The following IMMP2L variants were observed in gnomAD, a reference collection of about 807,000 sequenced individuals.
IMMP2L encodes the protein mitochondrial inner membrane protease subunit 2.
Under a neutral mutation model 19.3 loss-of-function variants are expected in IMMP2L, and 18 were observed. The observed-to-expected ratio is 0.93, with a 90% confidence interval of 0.64 to 1.38. IMMP2L has a LOEUF of 1.38. Ranked by LOEUF, IMMP2L falls within the 40% of genes most tolerant of loss-of-function variation. IMMP2L has a pLI of 0.00. For missense variants in IMMP2L, 233 were observed against 218.2 expected (o/e 1.07, Z -0.43); for synonymous variants, 76 against 73.0 (o/e 1.04, Z -0.21).
intron 5 of IMMP2L, among the ~76,000 whole-genome samples, chr7:110,751,948 A>G (rs962666016): frequency 2.0e-5 from 3 of 151,970 alleles, no homozygotes; most frequent in Admixed American, 6.6e-5. Context: ...TCTCATCCCA[A>G]TTGGCGGGAA....
At chr7:110,935,296 C>A (rs925393839) in intron 4 of IMMP2L, among the ~76,000 whole-genome samples, 3 of 152,196 alleles carry the variant, frequency 2.0e-5, no homozygotes, top group African/African-American at 4.8e-5. Flanking sequence ...GTTGAAAATT[C>A]TTTTCTTTAA....
At chr7:111,238,572 A>G (rs764947786) in intron 3 of IMMP2L, among the ~76,000 whole-genome samples, 1 of 151,910 alleles carries the variant, frequency 6.6e-6, no homozygotes. Flanking sequence ...ATTTAATATA[A>G]TTCTGTCTCT....
chr7:110,685,354 C>T (rs1015577771), intron 5 of IMMP2L, among the ~76,000 whole-genome samples: 2 of 152,166 alleles, frequency 1.3e-5, no homozygotes, highest in African/African-American at 4.8e-5. Context: ...CTCTGCAAGA[C>T]TGCCACAAGA....
At chr7:111,526,255 C>T (rs944496307) in intron 1 of IMMP2L, among the ~76,000 whole-genome samples, 2 of 152,066 alleles carry the variant, frequency 1.3e-5, no homozygotes, top group African/African-American at 4.8e-5. Context: ...CTAAACAATA[C>T]CTTACATTTC....
chr7:111,380,868 G>A (rs1255275259), intron 3 of IMMP2L, among the ~76,000 whole-genome samples: 1 of 151,124 alleles, frequency 6.6e-6, no homozygotes, highest in African/African-American at 2.5e-5. Flanking sequence ...TTTAACCTCA[G>A]TATTCTCCAC....
At chr7:110,850,274 A>C (rs1406182059) in intron 5 of IMMP2L, among the ~76,000 whole-genome samples, 1 of 152,076 alleles carries the variant, frequency 6.6e-6, no homozygotes, top group Admixed American at 6.6e-5. Flanking sequence ...AGCTGCCTTC[A>C]TTGCTCATTG....
At chr7:111,334,070 A>G (rs1374413868) in intron 3 of IMMP2L, among the ~76,000 whole-genome samples, 1 of 152,126 alleles carries the variant, frequency 6.6e-6, no homozygotes, top group Non-Finnish European at 1.5e-5. Context: ...TTAAACAATT[A>G]TAAGCACACT....
intron 3 of IMMP2L, among the ~76,000 whole-genome samples, chr7:111,192,797 C>CA (rs1266821889): frequency 6.6e-6 from 1 of 151,950 alleles, no homozygotes; most frequent in African/African-American, 2.4e-5. Flanking sequence ...AAACAAATAG[C>CA]CACAATTTTA....
chr7:111,287,251 C>T (rs80296204), intron 3 of IMMP2L, among the ~76,000 whole-genome samples: 7,068 of 152,232 alleles, frequency 0.046, 244 homozygotes, highest in Middle Eastern at 0.086. Context: ...AGCATATATC[C>T]TGCTCACTTA....
intron 3 of IMMP2L, among the ~76,000 whole-genome samples, chr7:111,401,049 G>A (rs1041852223): frequency 6.6e-6 from 1 of 152,034 alleles, no homozygotes; most frequent in African/African-American, 2.4e-5. Flanking sequence ...CATAAATGTT[G>A]GGAGTAAGTT....
rs114565482 is a variant in IMMP2L at position 111,115,685 on chromosome 7, T to C, written c.240-152120A>G. The stretch of plus-strand genomic sequence containing the variant: ...TTTTTATATATTTATATATATTTCT[T>C]AGACAGACTCACACTCTGTCGCTCA... On this transcript the variant is annotated intron_variant, in intron 3 of 5. Coordinates refer to ENST00000405709, the MANE Select transcript of IMMP2L (RefSeq NM_032549.4). Among the ~76,000 whole-genome samples the C allele has an allele frequency of 5.0e-3, 760 of 152,076 alleles. 12 individuals are homozygous for C. Among genetic ancestry groups the C allele is most frequent in the African/African-American group, 0.018 (736 of 41,518 alleles).
At chr7:111,367,343 G>T (rs1829868656) in intron 3 of IMMP2L, among the ~76,000 whole-genome samples, 1 of 151,734 alleles carries the variant, frequency 6.6e-6, no homozygotes, top group Non-Finnish European at 1.5e-5. Context: ...ACGCTAATAG[G>T]TATTTCCGGA....
intron 3 of IMMP2L, among the ~76,000 whole-genome samples, chr7:111,414,053 C>T (rs1834722725): frequency 3.3e-5 from 5 of 151,658 alleles, no homozygotes; most frequent in South Asian, 4.2e-4. Context: ...AGCAGTTTCC[C>T]GGAAAGTTTC....
chr7:111,458,158 C>A (rs917291279), intron 3 of IMMP2L, among the ~76,000 whole-genome samples: 3 of 152,120 alleles, frequency 2.0e-5, no homozygotes, highest in Admixed American at 6.5e-5. Context: ...GCAGGTGGGT[C>A]ACTGGAGGTC....
chr7:110,787,256 C>T (rs1800146848), intron 5 of IMMP2L, among the ~76,000 whole-genome samples: 1 of 151,932 alleles, frequency 6.6e-6, no homozygotes, highest in African/African-American at 2.4e-5. Context: ...TGCTGTATTG[C>T]ACATTTTCCT....
chr7:111,548,468 T>C (rs2133059673), intron 1 of IMMP2L, among the ~76,000 whole-genome samples: 1 of 152,266 alleles, frequency 6.6e-6, no homozygotes, highest in East Asian at 1.9e-4. Context: ...TCCACCGTTC[T>C]GTCTTTAGAT....
At position 111,549,290 on chromosome 7, in the gene IMMP2L, C is replaced by T. The variant is rs75348229; in HGVS notation, c.-3+12561G>A. On this transcript the variant is annotated intron_variant, in intron 1 of 5. Coordinates refer to ENST00000405709, the MANE Select transcript of IMMP2L (RefSeq NM_032549.4). ...AGTTTAAATTCACATAGGATTCTTA[C>T]AAACAGCTTATGAAGTCCTCAAAAA... Among the ~76,000 whole-genome samples, 315 of 152,274 alleles carry T rather than the reference C, an allele frequency of 2.1e-3. 3 individuals carry two copies. The highest frequency in any genetic ancestry group is 7.2e-3 in the African/African-American group (299 of 41,568).
chr7:111,125,302 T>C (rs1801179116), intron 3 of IMMP2L: 1 of 172,358 alleles, frequency 5.8e-6, no homozygotes, highest in African/African-American at 2.4e-5. Context: ...CCAGATAAAC[T>C]TGAATTGACA....
At chr7:110,815,860 C>T (rs1045169515) in intron 5 of IMMP2L, among the ~76,000 whole-genome samples, 3 of 151,806 alleles carry the variant, frequency 2.0e-5, no homozygotes, top group African/African-American at 7.3e-5. Context: ...TCTCTCTTTT[C>T]TTCTTTATTA....
Sources: gnomAD v4.1 joint callset for allele counts (sites outside exome capture counted in the v4.1 genomes callset) on GRCh38, gnomAD v4.1.1 for gene constraint, MANE v1.5 for transcripts, NCBI Gene and HGNC (gene_info 2026-07-23, HGNC 2026-07-21) for gene names.